Variants in SPOCK3 observed in about 807,000 individuals in gnomAD.
SPOCK3 encodes testican-3.
A neutral mutation model predicts 56.6 loss-of-function variants in SPOCK3; 30 were observed. The ratio of observed to expected loss-of-function variants is 0.53; its 90% CI spans 0.40 to 0.72. The LOEUF (loss-of-function observed/expected upper bound fraction) is 0.72, where lower values mean the gene tolerates loss of function less well. Among genes scored for constraint, SPOCK3 ranks in the 30% least tolerant of loss-of-function variants. SPOCK3 has a pLI of 0.00. For missense variants in SPOCK3, 527 were observed against 530.0 expected, an observed-to-expected ratio of 0.99 and a Z score of 0.06; for synonymous variants, 196 against 183.3, an observed-to-expected ratio of 1.07 and a Z score of -0.56.
intron 4 of SPOCK3, among the ~76,000 whole-genome samples, chr4:166,985,662 T>G (rs1747080567): frequency 6.6e-6 from 1 of 152,152 alleles, no homozygotes; most frequent in Admixed American, 6.5e-5. Context: ...CCACATTTTC[T>G]TGCACTCAGA....
chr4:167,079,035 A>G (rs1757474123), intron 2 of SPOCK3, among the ~76,000 whole-genome samples: 1 of 151,752 alleles, frequency 6.6e-6, no homozygotes, highest in African/African-American at 2.4e-5. Flanking sequence ...AGATGTTTAC[A>G]TTTTATTCTT....
At chr4:167,023,499 T>C (rs79944236) in intron 3 of SPOCK3, among the ~76,000 whole-genome samples, 7,391 of 152,038 alleles carry the variant, frequency 0.049, 232 homozygotes, top group Non-Finnish European at 0.068. Context: ...CAAAAAGTTG[T>C]TGGCAAAGAG....
intron 4 of SPOCK3, among the ~76,000 whole-genome samples, chr4:166,982,296 C>T (rs970838399): frequency 2.6e-5 from 4 of 152,234 alleles, no homozygotes; most frequent in Non-Finnish European, 4.4e-5. Flanking sequence ...ACTGATAATG[C>T]AAAACTGTCT....
intron 2 of SPOCK3, among the ~76,000 whole-genome samples, chr4:167,199,256 T>C (rs1292352008): frequency 6.6e-6 from 1 of 151,706 alleles, no homozygotes; most frequent in Non-Finnish European, 1.5e-5. Context: ...TGTGTGTGTG[T>C]GTGTGTATTT....
intron 7 of SPOCK3, among the ~76,000 whole-genome samples, chr4:166,764,330 T>G (rs1423329258): frequency 6.6e-6 from 1 of 152,064 alleles, no homozygotes; most frequent in East Asian, 1.9e-4. Flanking sequence ...CCTAATGCTT[T>G]CCCTCCCCCC....
intron 2 of SPOCK3, among the ~76,000 whole-genome samples, chr4:167,137,034 G>T (rs971739303): frequency 1.3e-5 from 2 of 151,972 alleles, no homozygotes; most frequent in Admixed American, 1.3e-4. Flanking sequence ...TAATTCTGGG[G>T]TAATAGCTAC....
intron 2 of SPOCK3, among the ~76,000 whole-genome samples, chr4:167,104,658 G>A (rs1010926717): frequency 1.3e-5 from 2 of 151,932 alleles, no homozygotes; most frequent in African/African-American, 2.4e-5. Context: ...AAAAGATAGA[G>A]GTAGAAAGTT....
chr4:167,064,124 T>A (rs1580176636), intron 2 of SPOCK3, among the ~76,000 whole-genome samples: 2 of 151,848 alleles, frequency 1.3e-5, no homozygotes, highest in Admixed American at 6.6e-5. Flanking sequence ...TTATGAAAAT[T>A]TTAAATTAAG....
intron 8 of SPOCK3, among the ~76,000 whole-genome samples, chr4:166,747,483 C>A (rs1047438566): frequency 6.6e-6 from 1 of 152,172 alleles, no homozygotes; most frequent in Non-Finnish European, 1.5e-5. Flanking sequence ...TGGGACATAT[C>A]TCAAAATAAT....
rs1217085651 is a variant in SPOCK3 at position 167,233,835 on chromosome 4, G to C, written c.189+150C>G. 1.6e-5 allele frequency: 11 copies of C among 679,474 alleles called. No homozygotes were observed. The South Asian group carries it at 1.9e-4, about 12-fold the overall frequency. 42.1% of individuals were successfully genotyped at this position (679,474 alleles called of 1,614,324 possible). A position where few individuals can be genotyped will look rare whatever the true frequency, so the allele number is the denominator to read the frequency against. ...AGCTGGGAGGGGGCAGCGGAACTGT[G>C]AACTTCTCCAGCAGCCCTGCGCCGC... is the stretch of plus-strand genomic sequence containing the variant. On this transcript the variant is annotated intron_variant, in intron 2 of 10. Transcript: ENST00000357545.
At chr4:166,828,024 A>G (rs1283251417) in intron 6 of SPOCK3, among the ~76,000 whole-genome samples, 1 of 152,106 alleles carries the variant, frequency 6.6e-6, no homozygotes, top group African/African-American at 2.4e-5. Flanking sequence ...AAGAAAATAC[A>G]TCAGAAAAAT....
intron 2 of SPOCK3, among the ~76,000 whole-genome samples, chr4:167,151,687 G>A (rs1531945): frequency 0.15 from 23,226 of 151,798 alleles, 1,865 homozygotes; most frequent in East Asian, 0.19. Flanking sequence ...CGCCCGTCTC[G>A]GCCTCCCATA....
rs534955072 is a variant in SPOCK3 at position 166,949,359 on chromosome 4, C to T, written c.351-36616G>A. Among the ~76,000 whole-genome samples, 10 of 152,328 alleles carry T rather than the reference C, an allele frequency of 6.6e-5. No individual in the cohort carries two copies. In the South Asian group the frequency reaches 1.7e-3, roughly 25 times the overall value. On this transcript the variant is annotated intron_variant, in intron 4 of 10. Coordinates refer to ENST00000357545, the MANE Select transcript of SPOCK3 (RefSeq NM_001040159.2). Reference sequence around the variant, plus strand: ...TCAACTCGTCAAAGTCATTCTCCATCCAGCTTTGTTCCATTGCTGGTGAGG... The same window carrying T: ...TCAACTCGTCAAAGTCATTCTCCATTCAGCTTTGTTCCATTGCTGGTGAGG...
Position 166,912,678 on chromosome 4 carries a change from C to G in SPOCK3, c.416G>C (p.Cys139Ser), listed in dbSNP as rs1278940839. The G allele has an allele frequency of 6.2e-7, 1 of 1,613,446 alleles. No homozygotes were observed. Among genetic ancestry groups the G allele is most frequent in the African/African-American group, 1.3e-5 (1 of 74,848 alleles). ...AACAGGGCTGGGATAGACCACTGGG[C>G]ACTGCTTGCAGGTGGATAATATGGG... ...RGPILSTCKQ[C>S]PVVYPSPVCG... Residue 139 changes from cysteine (C) to serine (S), a missense_variant, in exon 5 of 11, where the codon TGC (cysteine) becomes TCC (serine). Coordinates refer to ENST00000357545, the MANE Select transcript of SPOCK3 (RefSeq NM_001040159.2).
intron 2 of SPOCK3, among the ~76,000 whole-genome samples, chr4:167,123,980 C>T (rs954444833): frequency 7.9e-5 from 12 of 152,060 alleles, no homozygotes; most frequent in Admixed American, 1.3e-4. Context: ...CTCCTGACCT[C>T]GTGATCTGCC....
intron 7 of SPOCK3, among the ~76,000 whole-genome samples, chr4:166,773,956 C>T (rs937764847): frequency 6.6e-6 from 1 of 152,120 alleles, no homozygotes; most frequent in Non-Finnish European, 1.5e-5. Context: ...AGGTTTTCTC[C>T]TATCTCTGGA....
chr4:166,800,018 A>C (rs1742375138), intron 6 of SPOCK3, among the ~76,000 whole-genome samples: 1 of 151,674 alleles, frequency 6.6e-6, no homozygotes, highest in African/African-American at 2.4e-5. Flanking sequence ...TGTCTCTACT[A>C]AACATACAAA....
At chr4:167,013,738 T>TA (rs1750324269) in intron 3 of SPOCK3, among the ~76,000 whole-genome samples, 1 of 152,018 alleles carries the variant, frequency 6.6e-6, no homozygotes, top group South Asian at 2.1e-4. Flanking sequence ...AGAAAGCCCC[T>TA]ACTAATATGG....
chr4:167,226,292 C>T (rs1464359088), intron 2 of SPOCK3, among the ~76,000 whole-genome samples: 5 of 152,138 alleles, frequency 3.3e-5, no homozygotes, highest in Admixed American at 2.0e-4. Flanking sequence ...CTACTTACTA[C>T]CAAACTCCTA....
Sources: gnomAD v4.1 joint callset for allele counts (sites outside exome capture counted in the v4.1 genomes callset) on GRCh38, gnomAD v4.1.1 for gene constraint, MANE v1.5 for transcripts, NCBI Gene and HGNC (gene_info 2026-07-23, HGNC 2026-07-21) for gene names.